TULP4: variants seen among roughly 807,000 people sequenced by gnomAD.
TULP4 encodes TUB like protein 4, also known as tubby-related protein 4.
A neutral mutation model predicts 129.0 loss-of-function variants in TULP4; 16 were observed. The observed-to-expected ratio is 0.12, with a 90% CI of 0.08 to 0.19. TULP4 has a LOEUF of 0.19. Ranked by LOEUF, TULP4 falls within the 10% of genes least tolerant of loss-of-function variation. The pLI, the probability that TULP4 is intolerant of heterozygous loss-of-function variation, is 1.00. For missense variants in TULP4, 1,842 were observed against 2,059.1 expected, an observed-to-expected ratio of 0.89 and a Z score of 2.04; for synonymous variants, 998 against 854.0, an observed-to-expected ratio of 1.17 and a Z score of -2.94.
intron 1 of TULP4, among the ~76,000 whole-genome samples, chr6:158,329,481 G>T (rs376758876): frequency 3.2e-5 from 2 of 61,746 alleles, no homozygotes; most frequent in African/African-American, 5.0e-5. Flanking sequence ...AAAAAAAGAA[G>T]AATAACCTCG....
At chr6:158,488,082 A>G (rs1035127881) in intron 8 of TULP4, among the ~76,000 whole-genome samples, 1 of 152,210 alleles carries the variant, frequency 6.6e-6, no homozygotes, top group Non-Finnish European at 1.5e-5. Context: ...CCTGGGCAAC[A>G]TAGTGAGACC....
chr6:158,251,974 A>G (rs911475882), intron 1 of TULP4, among the ~76,000 whole-genome samples: 88 of 152,234 alleles, frequency 5.8e-4, no homozygotes, highest in African/African-American at 2.0e-3. Flanking sequence ...CACTTTCTCT[A>G]GCAGAACTCT....
intron 1 of TULP4, among the ~76,000 whole-genome samples, chr6:158,389,660 A>G (rs1777540399): frequency 6.6e-6 from 1 of 152,172 alleles, no homozygotes. Context: ...GAAAGGGCAT[A>G]TGAATCATGT....
chr6:158,238,147 T>C, intron 1 of TULP4: 1 of 754,482 alleles, frequency 1.3e-6, no homozygotes, highest in Non-Finnish European at 2.5e-6. Context: ...TCTCTGCTTC[T>C]CAATATTAGA....
At chr6:158,319,976 A>G (rs1779588464) in intron 1 of TULP4, among the ~76,000 whole-genome samples, 1 of 152,252 alleles carries the variant, frequency 6.6e-6, no homozygotes, top group Non-Finnish European at 1.5e-5. Flanking sequence ...TTCATAAAAA[A>G]GAACCACTAC....
intron 1 of TULP4, among the ~76,000 whole-genome samples, chr6:158,349,078 G>A (rs1393377156): frequency 6.1e-5 from 7 of 114,642 alleles, no homozygotes; most frequent in Middle Eastern, 5.7e-3. Flanking sequence ...AGGCAGAGGC[G>A]CTCCTCACTT....
intron 1 of TULP4, among the ~76,000 whole-genome samples, chr6:158,252,252 C>G (rs542276509): frequency 2.0e-5 from 3 of 150,594 alleles, no homozygotes; most frequent in African/African-American, 7.3e-5. Flanking sequence ...TGTAGTCAAA[C>G]CTATCGATCT....
Position 158,340,100 on chromosome 6 carries a change from T to C in TULP4, c.252+25832T>C, listed in dbSNP as rs114076113. 5.5e-3 allele frequency among the ~76,000 whole-genome samples: 839 copies of C among 152,244 alleles called. 6 individuals are homozygous for C. Among genetic ancestry groups the C allele is most frequent in the African/African-American group, 0.019 (770 of 41,540 alleles). On this transcript the variant is annotated intron_variant, in intron 1 of 13. Transcript: ENST00000367097. ...TGTGGATCTGCTCGTGCAAGGTGAG[T>C]TGACCTTACTGTAGGCAGTAGGACA...
At chr6:158,498,572 G>A in intron 11 of TULP4, 97 bp from the exon 12 acceptor site, 2 of 1,471,906 alleles carry the variant, frequency 1.4e-6, no homozygotes, top group East Asian at 2.3e-5. Flanking sequence ...CTGATGGCAG[G>A]GAAACTGCAG....
At chr6:158,247,668 C>T (rs1405159739) in intron 1 of TULP4, among the ~76,000 whole-genome samples, 13 of 152,212 alleles carry the variant, frequency 8.5e-5, no homozygotes, top group Admixed American at 8.5e-4. Flanking sequence ...GTAGGAAGCT[C>T]TTACAGGACC....
chr6:158,234,181 C>G (rs1348645018), intron 1 of TULP4, among the ~76,000 whole-genome samples: 1 of 152,192 alleles, frequency 6.6e-6, no homozygotes, highest in Non-Finnish European at 1.5e-5. Context: ...TTCAGCCTTG[C>G]ATATGGAGCT....
chr6:158,236,795 C>CTTTTTTTTTTTTTTTTTT lies in TULP4; in HGVS notation n.68+4511_68+4528dup, dbSNP rs71030149. Among the ~76,000 whole-genome samples, 74 of 63,292 alleles carry CTTTTTTTTTTTTTTTTTT rather than the reference C, an allele frequency of 1.2e-3. 10 individuals are homozygous for CTTTTTTTTTTTTTTTTTT. Among genetic ancestry groups the CTTTTTTTTTTTTTTTTTT allele is most frequent in the Non-Finnish European group, 1.5e-3 (48 of 32,226 alleles). 41.5% of individuals were successfully genotyped at this position (63,292 alleles called of 152,430 possible). On this transcript the variant is annotated intron_variant and non_coding_transcript_variant, in intron 1 of 1. Transcript: ENST00000620026. ...AGATGGGTAAATGCCCAATTCTTTT[C>CTTTTTTTTTTTTTTTTTT]TTTTTTTTTTTTTTTTTTTTTTTTT...
intron 8 of TULP4, among the ~76,000 whole-genome samples, chr6:158,485,689 G>T (rs1489828018): frequency 6.6e-6 from 1 of 152,256 alleles, no homozygotes; most frequent in African/African-American, 2.4e-5. Context: ...CCCTGCCAGA[G>T]TTAGGAGGGT....
chr6:158,438,936 C>T (rs941544880), intron 3 of TULP4, among the ~76,000 whole-genome samples: 1 of 152,064 alleles, frequency 6.6e-6, no homozygotes, highest in Admixed American at 6.5e-5. Flanking sequence ...CTTTGGGAGG[C>T]CGAGGCGGGG....
chr6:158,420,066 A>G (rs1171332156), intron 2 of TULP4, among the ~76,000 whole-genome samples: 2 of 152,250 alleles, frequency 1.3e-5, no homozygotes, highest in Non-Finnish European at 2.9e-5. Context: ...GTGAAGGGTC[A>G]GATAGTAAAT....
upstream of TULP4, among the ~76,000 whole-genome samples, chr6:158,309,119 T>C (rs1779284581): frequency 2.5e-5 from 1 of 39,546 alleles, no homozygotes; most frequent in East Asian, 9.7e-4. Flanking sequence ...GTGGAGGGGC[T>C]CCTCATTTCT....
chr6:158,489,548 T>A, intron 8 of TULP4, 40 bp from the exon 9 acceptor site: 3 of 1,612,840 alleles, frequency 1.9e-6, no homozygotes, highest in Non-Finnish European at 1.7e-6. Context: ...GGCTAATTGA[T>A]ATAACTTCCC....
intron 3 of TULP4, among the ~76,000 whole-genome samples, chr6:158,430,636 T>C (rs1050273290): frequency 6.6e-6 from 1 of 152,070 alleles, no homozygotes; most frequent in African/African-American, 2.4e-5. Context: ...TAATGCCAGC[T>C]GCTTGGAGGC....
At position 158,493,680 on chromosome 6, in the gene TULP4, T is replaced by A; in HGVS notation, c.1739T>A (p.Leu580Gln). 1 of 1,595,374 alleles carries A rather than the reference T, an allele frequency of 6.3e-7. No individual in the cohort carries two copies. The highest frequency in any genetic ancestry group is 8.5e-7 in the Non-Finnish European group (1 of 1,171,258). The part of the protein sequence containing the change: ...LRKPSVGSPS[L>Q]TRREFPFEDI... ...AAGCCCTCTGTGGGCTCGCCCAGCC[T>A]GACTCGGAGAGAGTTTCCTTTTGAA... Residue 580 changes from leucine to glutamine, a missense_variant, in exon 10 of 14, where the codon CTG becomes CAG. Transcript: ENST00000367097. This position sits in a 1 kb window ranked among gnomAD's most constrained non-coding sequence, Gnocchi z 4.4.
Sources: gnomAD v4.1 joint callset for allele counts (sites outside exome capture counted in the v4.1 genomes callset) on GRCh38, gnomAD v4.1.1 for gene constraint, Gnocchi (gnomAD v3.1) non-coding constraint, MANE v1.5 for transcripts, NCBI Gene and HGNC (gene_info 2026-07-23, HGNC 2026-07-21) for gene names.